The following COP1 variants were observed in gnomAD, a reference collection of about 807,000 sequenced individuals.
COP1 encodes COP1 E3 ubiquitin ligase.
COP1 carries 24 observed loss-of-function variants against 101.3 expected under a neutral mutation model. The ratio of observed to expected loss-of-function variants is 0.24; its 90% confidence interval spans 0.17 to 0.33. The LOEUF (loss-of-function observed/expected upper bound fraction) is 0.33, where lower values mean the gene tolerates loss of function less well. Among genes scored for constraint, COP1 ranks in the 10% least tolerant of loss-of-function variants. The probability of loss-of-function intolerance (pLI) is 1.00; values close to 1 mark genes in which losing one functional copy is unlikely to be tolerated. For missense variants in COP1, 663 were observed against 906.2 expected (o/e 0.73, Z 3.45); for synonymous variants, 347 against 341.9 (o/e 1.01, Z -0.17).
intron 12 of COP1, among the ~76,000 whole-genome samples, chr1:176,045,432 T>C (rs192343791): frequency 1.3e-5 from 2 of 152,250 alleles, no homozygotes; most frequent in Admixed American, 6.5e-5. Context: ...ATACTATGTA[T>C]GCCATTCATT....
At chr1:175,952,263 A>G (rs540845401) in intron 18 of COP1, among the ~76,000 whole-genome samples, 1 of 152,002 alleles carries the variant, frequency 6.6e-6, no homozygotes, top group Non-Finnish European at 1.5e-5. Context: ...CTCTACTAAA[A>G]ATACAAAAAT....
intron 15 of COP1, among the ~76,000 whole-genome samples, chr1:176,011,939 CTG>C (rs1664747552): frequency 6.8e-6 from 1 of 147,984 alleles, no homozygotes; most frequent in Non-Finnish European, 1.5e-5. Flanking sequence ...TGATAAACAA[CTG>C]TGTTACTGGC....
chr1:176,073,383 C>T (rs1004767277), intron 11 of COP1, among the ~76,000 whole-genome samples: 18 of 152,096 alleles, frequency 1.2e-4, no homozygotes, highest in African/African-American at 4.3e-4. Flanking sequence ...GAAAAACTCT[C>T]TAGAGGTAGA....
intron 8 of COP1, among the ~76,000 whole-genome samples, chr1:176,127,924 G>A (rs1245306283): frequency 6.6e-6 from 1 of 151,882 alleles, no homozygotes; most frequent in Non-Finnish European, 1.5e-5. Context: ...TTCTGATAAT[G>A]GCCAATCTAA....
chr1:175,989,343 T>TGAG lies in COP1; in HGVS notation c.1847+16_1847+18dup, dbSNP rs773722602. On this transcript the variant is annotated intron_variant, in intron 16 of 19. Coordinates refer to ENST00000367669, the MANE Select transcript of COP1 (RefSeq NM_022457.7). ...AGAGCTCTGTATTAAGCTCAACCTCTGAGGAGAGTAATACTCACGCAGAGA... is the reference window on the plus strand; with the variant it reads ...AGAGCTCTGTATTAAGCTCAACCTCTGAGGAGGAGAGTAATACTCACGCAGAGA... 134 of 1,285,412 alleles carry TGAG rather than the reference T, an allele frequency of 1.0e-4. No homozygotes were observed. The South Asian group carries it at 1.5e-3, about 15-fold the overall frequency. 79.6% of individuals were successfully genotyped at this position (1,285,412 alleles called of 1,614,324 possible). A position where few individuals can be genotyped will look rare whatever the true frequency, so the allele number is the denominator to read the frequency against.
chr1:176,110,949 C>T (rs566191674), intron 9 of COP1, among the ~76,000 whole-genome samples: 5 of 152,152 alleles, frequency 3.3e-5, no homozygotes, highest in East Asian at 1.9e-4. Flanking sequence ...ATCAAGGGAT[C>T]GAGACCATCC....
chr1:176,033,902 A>G (rs553171489), intron 14 of COP1, among the ~76,000 whole-genome samples: 1 of 152,344 alleles, frequency 6.6e-6, no homozygotes, highest in Admixed American at 6.5e-5. Flanking sequence ...AATATTCTCT[A>G]ACTATAAAGT....
At chr1:176,025,677 C>A (rs985703342) in intron 15 of COP1, among the ~76,000 whole-genome samples, 2 of 151,882 alleles carry the variant, frequency 1.3e-5, no homozygotes, top group African/African-American at 4.8e-5. Context: ...ACTGCTTGAG[C>A]CCAGGAGTTT....
intron 15 of COP1, among the ~76,000 whole-genome samples, chr1:176,019,173 A>C (rs1195714761): frequency 1.4e-5 from 2 of 146,930 alleles, no homozygotes; most frequent in African/African-American, 2.5e-5. Context: ...TTTTTAAAAA[A>C]ATAAATCATG....
At chr1:176,152,895 T>C (rs1692848591) in intron 5 of COP1, among the ~76,000 whole-genome samples, 1 of 152,178 alleles carries the variant, frequency 6.6e-6, no homozygotes, top group African/African-American at 2.4e-5. Flanking sequence ...TAATAATTTT[T>C]CTCTAGAACA....
chr1:175,962,885 T>C (rs932514771), intron 18 of COP1, among the ~76,000 whole-genome samples: 1 of 152,200 alleles, frequency 6.6e-6, no homozygotes, highest in African/African-American at 2.4e-5. Context: ...AGTTGTGTAC[T>C]AGAAGGTAGA....
At chr1:176,058,571 A>C (rs1385186896) in intron 11 of COP1, among the ~76,000 whole-genome samples, 4 of 152,186 alleles carry the variant, frequency 2.6e-5, no homozygotes, top group Non-Finnish European at 4.4e-5. Flanking sequence ...ATGCTCATTA[A>C]GAGTCATCAC....
intron 8 of COP1, among the ~76,000 whole-genome samples, chr1:176,128,077 G>A (rs138316488): frequency 3.3e-5 from 5 of 151,936 alleles, no homozygotes; most frequent in Non-Finnish European, 7.4e-5. Context: ...AAAAATAGGG[G>A]TGTTTCATTG....
chr1:176,176,186 A>G (rs1696908806), intron 2 of COP1, among the ~76,000 whole-genome samples, 179 bp from the exon 3 acceptor site: 1 of 152,190 alleles, frequency 6.6e-6, no homozygotes, highest in Non-Finnish European at 1.5e-5. Context: ...TACTGGGTAA[A>G]CACTACACAA....
intron 18 of COP1, among the ~76,000 whole-genome samples, chr1:175,969,406 G>A (rs944704534): frequency 6.6e-5 from 10 of 152,120 alleles, no homozygotes; most frequent in Non-Finnish European, 1.3e-4. Context: ...ACTGAAGCAG[G>A]TCATAAGACT....
chr1:176,181,767 C>T (rs1172428762), intron 2 of COP1, among the ~76,000 whole-genome samples: 1 of 151,438 alleles, frequency 6.6e-6, no homozygotes, highest in South Asian at 2.1e-4. Flanking sequence ...CTGGAATATC[C>T]GGGAGGTGGA....
At chr1:176,009,119 C>G (rs1664134499) in intron 15 of COP1, among the ~76,000 whole-genome samples, 1 of 152,158 alleles carries the variant, frequency 6.6e-6, no homozygotes, top group Admixed American at 6.5e-5. Flanking sequence ...GTCAGAGCTT[C>G]TTGACCCCCA....
rs547638476 is a variant in COP1, at chr1:175,990,005, T to C, written c.1730-526A>G. On this transcript the variant is annotated intron_variant, in intron 15 of 19. Transcript: ENST00000367669. ...TTCCTGTCTGTCTCTATCACTAATTTCTACTCTAACCTTTATTATTTCCTT... is the reference window on the plus strand; with the variant it reads ...TTCCTGTCTGTCTCTATCACTAATTCCTACTCTAACCTTTATTATTTCCTT... 1.7e-3 allele frequency among the ~76,000 whole-genome samples: 257 copies of C among 152,052 alleles called. 1 individual carries two copies. Among genetic ancestry groups the C allele is most frequent in the African/African-American group, 5.9e-3 (246 of 41,520 alleles).
At chr1:176,129,429 T>C (rs1373327954) in intron 8 of COP1, among the ~76,000 whole-genome samples, 1 of 151,902 alleles carries the variant, frequency 6.6e-6, no homozygotes, top group Admixed American at 6.6e-5. Flanking sequence ...AATGCATGTC[T>C]GCATGACAAT....
Sources: allele counts gnomAD v4.1 joint callset (sites outside exome capture counted in the v4.1 genomes callset), GRCh38; gene constraint gnomAD v4.1.1; transcripts MANE v1.5; gene names NCBI Gene and HGNC (gene_info 2026-07-23, HGNC 2026-07-21).